Variants in CLIC4 observed in about 807,000 individuals in gnomAD.
The protein encoded by CLIC4 is chloride intracellular channel protein 4.
Under a neutral mutation model 24.6 loss-of-function variants are expected in CLIC4, and 13 were observed. The ratio of observed to expected loss-of-function variants is 0.53; its 90% CI spans 0.34 to 0.84. CLIC4 has a LOEUF of 0.84. CLIC4 is among the 40% of genes least tolerant of loss of function. The probability of loss-of-function intolerance (pLI) is 0.01; values close to 1 mark genes in which losing one functional copy is unlikely to be tolerated. For synonymous variants in CLIC4, 104 were observed against 111.3 expected (o/e 0.93, Z 0.41); for missense variants, 227 against 301.7 (o/e 0.75, Z 1.83).
In CLIC4 at chr1:24,797,776, C is replaced by T; in HGVS notation, c.107C>T (p.Pro36Leu). Residue 36 changes from proline to leucine, a missense_variant, in exon 2 of 6, where the codon CCC becomes CTC. Coordinates refer to ENST00000374379, the MANE Select transcript of CLIC4 (RefSeq NM_013943.3). ...GSDGESIGNC[P>L]FSQRLFMILW... ...GATGGTGAAAGCATAGGAAACTGCC[C>T]CTTTTCCCAGAGGCTCTTCATGATT... 6.2e-7 allele frequency: 1 copy of T among 1,613,222 alleles called. No individual in the cohort carries two copies. The highest frequency in any genetic ancestry group is 1.1e-5 in the South Asian group (1 of 90,930).
At chr1:24,836,370 A>G (rs1214937900) in intron 4 of CLIC4, among the ~76,000 whole-genome samples, 1 of 152,242 alleles carries the variant, frequency 6.6e-6, no homozygotes, top group African/African-American at 2.4e-5. Flanking sequence ...TTAATCTCAT[A>G]TATGTATATA....
chr1:24,798,310 G>A (rs1162089053), intron 2 of CLIC4, among the ~76,000 whole-genome samples: 3 of 152,184 alleles, frequency 2.0e-5, no homozygotes, highest in African/African-American at 7.2e-5. Context: ...GAGAATAACA[G>A]TAATTTTCTA....
At chr1:24,794,141 C>T (rs941896799) in intron 1 of CLIC4, among the ~76,000 whole-genome samples, 2 of 152,160 alleles carry the variant, frequency 1.3e-5, no homozygotes, top group Non-Finnish European at 2.9e-5. Flanking sequence ...AATAGTGCTG[C>T]AGTGAACATA....
At chr1:24,774,168 G>T (rs886525334) in intron 1 of CLIC4, among the ~76,000 whole-genome samples, 2 of 151,928 alleles carry the variant, frequency 1.3e-5, no homozygotes, top group Admixed American at 6.6e-5. Context: ...TAGAGACGGG[G>T]TTTCACCGTG....
intron 3 of CLIC4, among the ~76,000 whole-genome samples, chr1:24,818,043 A>T (rs995693484): frequency 6.6e-6 from 1 of 152,228 alleles, no homozygotes; most frequent in South Asian, 2.1e-4. Context: ...ATCACAGATC[A>T]TCATAACAGA....
At chr1:24,775,191 G>A (rs1639118596) in intron 1 of CLIC4, among the ~76,000 whole-genome samples, 1 of 142,242 alleles carries the variant, frequency 7.0e-6, no homozygotes, top group Non-Finnish European at 1.5e-5. Flanking sequence ...TCTAGCTACC[G>A]TGAAGATTTT....
chr1:24,811,894 G>A (rs994110922), intron 2 of CLIC4, among the ~76,000 whole-genome samples: 1 of 152,180 alleles, frequency 6.6e-6, no homozygotes, highest in African/African-American at 2.4e-5. Context: ...AAATTCATTG[G>A]TGGGTTTGGG....
chr1:24,827,193 A>G (rs1639795483), intron 4 of CLIC4, 77 bp downstream of exon 4: 3 of 901,102 alleles, frequency 3.3e-6, no homozygotes, highest in Admixed American at 2.2e-5. Flanking sequence ...GACAGTGATT[A>G]TAAATGAGTA....
At chr1:24,775,738 G>A (rs992529478) in intron 1 of CLIC4, among the ~76,000 whole-genome samples, 2 of 149,350 alleles carry the variant, frequency 1.3e-5, no homozygotes, top group Non-Finnish European at 3.0e-5. Flanking sequence ...TTTTTCTTTC[G>A]TTATTTGAAC....
At chr1:24,837,747 C>T (rs2124177342) in intron 4 of CLIC4, among the ~76,000 whole-genome samples, 2 of 152,314 alleles carry the variant, frequency 1.3e-5, no homozygotes, top group Middle Eastern at 6.8e-3. Context: ...GTTGCAGTGA[C>T]TCACACCTGC....
chr1:24,745,742 C>G, intron 1 of CLIC4, 117 bp downstream of exon 1: 1 of 742,584 alleles, frequency 1.3e-6, no homozygotes, highest in East Asian at 3.5e-5. Context: ...ACCCGTCCCG[C>G]TGCGGGCACC....
intron 1 of CLIC4, among the ~76,000 whole-genome samples, chr1:24,774,851 A>T (rs1639114611): frequency 6.6e-6 from 1 of 152,168 alleles, no homozygotes; most frequent in Non-Finnish European, 1.5e-5. Context: ...TGGGTGGATC[A>T]CCTGAGGTCA....
intron 2 of CLIC4, among the ~76,000 whole-genome samples, chr1:24,801,163 C>G (rs555531863): frequency 1.3e-5 from 2 of 151,980 alleles, no homozygotes; most frequent in African/African-American, 4.8e-5. Context: ...ACATGATTTG[C>G]TATTATACTG....
chr1:24,778,150 CCTT>C (rs1465151217), intron 1 of CLIC4, among the ~76,000 whole-genome samples: 3 of 152,128 alleles, frequency 2.0e-5, no homozygotes, highest in African/African-American at 7.2e-5. Context: ...TCTAGCATCT[CCTT>C]CTTTGCTCTG....
At chr1:24,771,951 C>A (rs1361821053) in intron 1 of CLIC4, 4 of 452,086 alleles carry the variant, frequency 8.8e-6, no homozygotes, top group Admixed American at 2.3e-5. Context: ...GCCAAGGTAG[C>A]CTTAGGCTTG....
intron 2 of CLIC4, among the ~76,000 whole-genome samples, chr1:24,800,863 GGCAGCATGCTCGTTAA>G (rs1639479965): frequency 6.6e-6 from 1 of 151,860 alleles, no homozygotes; most frequent in African/African-American, 2.4e-5. Flanking sequence ...GATGCTTGAA[GGCAGCATGCTCGTTAA>G]GAGTCATCAC....
rs558428609 is a variant in CLIC4 at position 24,751,465 on chromosome 1, T to C, written c.72+5840T>C. Reference sequence around the variant, plus strand: ...TATGTTGGCCAGGCTGGTCTTGAACTCCTGACCTAGTGATCCACCCGCTCG... The same window carrying C: ...TATGTTGGCCAGGCTGGTCTTGAACCCCTGACCTAGTGATCCACCCGCTCG... On this transcript the variant is annotated intron_variant, in intron 1 of 5. Coordinates refer to ENST00000374379, the MANE Select transcript of CLIC4 (RefSeq NM_013943.3). 2.3e-4 allele frequency among the ~76,000 whole-genome samples: 29 copies of C among 124,524 alleles called. No individual in the cohort carries two copies. In the South Asian group the frequency reaches 6.4e-3, roughly 27 times the overall value. 81.7% of individuals were successfully genotyped at this position (124,524 alleles called of 152,430 possible).
intron 2 of CLIC4, among the ~76,000 whole-genome samples, chr1:24,805,413 A>G (rs1457548655): frequency 6.6e-6 from 1 of 152,206 alleles, no homozygotes; most frequent in Non-Finnish European, 1.5e-5. Flanking sequence ...TAATAGTAGT[A>G]AAGCGTTCTG....
intron 1 of CLIC4, among the ~76,000 whole-genome samples, chr1:24,768,598 A>G (rs896891488): frequency 1.3e-5 from 2 of 152,120 alleles, no homozygotes; most frequent in African/African-American, 4.8e-5. Context: ...TTATACCACA[A>G]TGAGATGATA....
Sources: allele counts gnomAD v4.1 joint callset (sites outside exome capture counted in the v4.1 genomes callset), GRCh38; gene constraint gnomAD v4.1.1; transcripts MANE v1.5; gene names NCBI Gene and HGNC (gene_info 2026-07-23, HGNC 2026-07-21).